Variants in ZCCHC7 observed in about 807,000 individuals in gnomAD.
ZCCHC7 encodes the protein zinc finger CCHC domain-containing protein 7.
A neutral mutation model predicts 52.0 loss-of-function variants in ZCCHC7; 35 were observed. That is an observed-to-expected ratio of 0.67 (90% confidence interval 0.51 to 0.89). The LOEUF is 0.89. ZCCHC7 is among the 40% of genes least tolerant of loss of function. The pLI is 0.00. For synonymous variants in ZCCHC7, 217 were observed against 221.5 expected (o/e 0.98, Z 0.18); for missense variants, 574 against 649.1 (o/e 0.88, Z 1.26).
chr9:37,341,212 T>C (rs1204815821), intron 6 of ZCCHC7, among the ~76,000 whole-genome samples: 1 of 152,192 alleles, frequency 6.6e-6, no homozygotes, highest in Non-Finnish European at 1.5e-5. Flanking sequence ...CAGTGTGAAG[T>C]AGGGGAGACA....
chr9:37,310,312 A>G (rs942672090), intron 5 of ZCCHC7, among the ~76,000 whole-genome samples: 10 of 152,218 alleles, frequency 6.6e-5, no homozygotes, highest in African/African-American at 2.4e-4. Context: ...CAATTTTTAA[A>G]TATACAGAGA....
intron 2 of ZCCHC7, among the ~76,000 whole-genome samples, chr9:37,268,551 C>T (rs1352144206): frequency 6.6e-6 from 1 of 152,056 alleles, no homozygotes; most frequent in African/African-American, 2.4e-5. Flanking sequence ...CTCAGCCTCC[C>T]AAGTAGCTGG....
chr9:37,352,403 AG>A (rs1241694791), intron 7 of ZCCHC7, among the ~76,000 whole-genome samples: 2 of 150,448 alleles, frequency 1.3e-5, no homozygotes, highest in Non-Finnish European at 3.0e-5. Flanking sequence ...TTACTCCAGG[AG>A]TGTGTGAAAG....
At chr9:37,240,421 T>A (rs1564197484) in intron 2 of ZCCHC7, among the ~76,000 whole-genome samples, 1 of 151,916 alleles carries the variant, frequency 6.6e-6, no homozygotes, top group Non-Finnish European at 1.5e-5. Context: ...TCTAACTACA[T>A]TAATCTGATA....
intron 2 of ZCCHC7, among the ~76,000 whole-genome samples, chr9:37,185,264 C>T (rs546526392): frequency 3.3e-5 from 5 of 152,084 alleles, no homozygotes; most frequent in African/African-American, 1.2e-4. Flanking sequence ...CACCTCCTAT[C>T]CCTTAGGAGT....
chr9:37,318,683 C>T (rs569251397), intron 5 of ZCCHC7, among the ~76,000 whole-genome samples: 4 of 151,872 alleles, frequency 2.6e-5, no homozygotes, highest in East Asian at 1.9e-4. Context: ...GAGGCCGAGG[C>T]GGGCAGATCA....
intron 2 of ZCCHC7, among the ~76,000 whole-genome samples, chr9:37,230,523 G>A (rs1021259798): frequency 9.2e-5 from 14 of 152,114 alleles, no homozygotes; most frequent in Non-Finnish European, 2.1e-4. Flanking sequence ...TTTTATGAAT[G>A]TATATATAGA....
intron 5 of ZCCHC7, among the ~76,000 whole-genome samples, chr9:37,314,712 G>A (rs1028940607): frequency 7.0e-6 from 1 of 142,982 alleles, no homozygotes; most frequent in Non-Finnish European, 1.5e-5. Flanking sequence ...AGGAGTTCAA[G>A]TCCAACCTGG....
chr9:37,302,618 G>C (rs1260202161), intron 3 of ZCCHC7, among the ~76,000 whole-genome samples: 2 of 152,210 alleles, frequency 1.3e-5, no homozygotes, highest in Admixed American at 6.5e-5. Context: ...GCTACAAAAA[G>C]AGAATAATTT....
At chr9:37,331,868 C>T (rs552086478) in intron 6 of ZCCHC7, among the ~76,000 whole-genome samples, 4 of 151,538 alleles carry the variant, frequency 2.6e-5, no homozygotes, top group South Asian at 4.1e-4. Flanking sequence ...TCTCTGTGTG[C>T]GCTTTGGTGT....
At chr9:37,280,975 T>C (rs1434216617) in intron 2 of ZCCHC7, among the ~76,000 whole-genome samples, 1 of 152,218 alleles carries the variant, frequency 6.6e-6, no homozygotes, top group Non-Finnish European at 1.5e-5. Context: ...ATGGCAACTA[T>C]ATCAGAAAGG....
intron 2 of ZCCHC7, among the ~76,000 whole-genome samples, chr9:37,175,428 G>T (rs1240112181): frequency 6.6e-6 from 1 of 151,910 alleles, no homozygotes; most frequent in Non-Finnish European, 1.5e-5. Context: ...TTTAGGCCAG[G>T]CGTGGTGGCT....
chr9:37,187,213 C>G (rs1368125344), intron 2 of ZCCHC7, among the ~76,000 whole-genome samples: 1 of 152,216 alleles, frequency 6.6e-6, no homozygotes, highest in African/African-American at 2.4e-5. Context: ...TCTTGACTAG[C>G]AGTCCCAAAC....
At chr9:37,348,777 C>T (rs1821181658) in intron 6 of ZCCHC7, among the ~76,000 whole-genome samples, 1 of 152,146 alleles carries the variant, frequency 6.6e-6, no homozygotes, top group African/African-American at 2.4e-5. Context: ...CTGCTTTTTC[C>T]ACCTTGTCTT....
intron 2 of ZCCHC7, among the ~76,000 whole-genome samples, chr9:37,280,060 G>C (rs576241132): frequency 6.6e-6 from 1 of 152,056 alleles, no homozygotes; most frequent in African/African-American, 2.4e-5. Flanking sequence ...AGAATGGCGC[G>C]AACCCGGGAG....
At chr9:37,223,030 T>TGTAC (rs1357933295) in intron 2 of ZCCHC7, among the ~76,000 whole-genome samples, 1 of 152,208 alleles carries the variant, frequency 6.6e-6, no homozygotes, top group Non-Finnish European at 1.5e-5. Flanking sequence ...TATGTATGTA[T>TGTAC]ATGGCTATGA....
intron 2 of ZCCHC7, among the ~76,000 whole-genome samples, chr9:37,166,716 G>A (rs1183450127): frequency 6.6e-6 from 1 of 151,908 alleles, no homozygotes; most frequent in African/African-American, 2.4e-5. Context: ...CTTCTTTAGG[G>A]CATCCCACAA....
At chr9:37,307,142 G>A (rs1588646013) in intron 5 of ZCCHC7, among the ~76,000 whole-genome samples, 1 of 152,012 alleles carries the variant, frequency 6.6e-6, no homozygotes, top group Non-Finnish European at 1.5e-5. Context: ...GAAGGACAAG[G>A]CAGCCATTAC....
In ZCCHC7 at chr9:37,338,506, A is replaced by G. The variant is rs147769005; in HGVS notation, c.987+10672A>G. On this transcript the variant is annotated intron_variant, in intron 6 of 8. Coordinates refer to ENST00000336755, the MANE Select transcript of ZCCHC7 (RefSeq NM_032226.3). Reference sequence around the variant, plus strand: ...GTGATTGGTCATTCGCAGCTTTTCAACCCATTGGTTTATAAAATTTCAGTG... The same window carrying G: ...GTGATTGGTCATTCGCAGCTTTTCAGCCCATTGGTTTATAAAATTTCAGTG... Among the ~76,000 whole-genome samples the G allele has an allele frequency of 1.4e-3, 206 of 152,284 alleles. 2 individuals are homozygous for G. The highest frequency in any genetic ancestry group is 4.5e-3 in the African/African-American group (189 of 41,582).
Sources: gnomAD v4.1 joint callset for allele counts (sites outside exome capture counted in the v4.1 genomes callset) on GRCh38, gnomAD v4.1.1 for gene constraint, MANE v1.5 for transcripts, NCBI Gene and HGNC (gene_info 2026-07-23, HGNC 2026-07-21) for gene names.